The following CTNNA3 variants were observed in gnomAD, a reference collection of about 807,000 sequenced individuals.
CTNNA3 encodes catenin alpha-3.
A neutral mutation model predicts 95.7 loss-of-function variants in CTNNA3; 76 were observed. That is an observed-to-expected ratio of 0.79 (90% CI 0.66 to 0.96). The LOEUF (loss-of-function observed/expected upper bound fraction) is 0.96. Ranked by LOEUF, CTNNA3 falls within the 40% of genes least tolerant of loss-of-function variation. CTNNA3 has a pLI of 0.00. For synonymous variants in CTNNA3, 431 were observed against 374.4 expected (o/e 1.15, Z -1.74); for missense variants, 1,191 against 1,089.8 (o/e 1.09, Z -1.31).
chr10:66,094,508 A>G (rs1197181865), intron 14 of CTNNA3, among the ~76,000 whole-genome samples: 1 of 152,106 alleles, frequency 6.6e-6, no homozygotes, highest in Non-Finnish European at 1.5e-5. Flanking sequence ...ATGCTGCAGA[A>G]ATCTAGGTGA....
intron 5 of CTNNA3, among the ~76,000 whole-genome samples, chr10:67,362,001 T>C (rs10823036): frequency 0.89 from 135,148 of 152,126 alleles, 61,145 homozygotes; most frequent in East Asian, 1. Flanking sequence ...TATCTATGCA[T>C]ACAAACTAGA....
chr10:66,283,693 C>T (rs561915317), intron 12 of CTNNA3, among the ~76,000 whole-genome samples: 1 of 151,978 alleles, frequency 6.6e-6, no homozygotes, highest in Non-Finnish European at 1.5e-5. Flanking sequence ...TACTTTCTCA[C>T]TCTAACAACA....
intron 9 of CTNNA3, among the ~76,000 whole-genome samples, chr10:66,693,206 C>G (rs1378683969): frequency 1.3e-5 from 2 of 152,078 alleles, no homozygotes; most frequent in African/African-American, 2.4e-5. Flanking sequence ...GTGCTGTATT[C>G]AGGAAACCCA....
intron 7 of CTNNA3, among the ~76,000 whole-genome samples, chr10:66,898,093 T>A (rs1845573924): frequency 6.6e-6 from 1 of 152,134 alleles, no homozygotes; most frequent in Admixed American, 6.5e-5. Flanking sequence ...AAACTGAACA[T>A]CATAAGGAAC....
chr10:66,702,903 T>C (rs749258012), intron 9 of CTNNA3, among the ~76,000 whole-genome samples: 3 of 152,044 alleles, frequency 2.0e-5, no homozygotes, highest in Non-Finnish European at 4.4e-5. Flanking sequence ...GAACTTTTTC[T>C]TCAGTGTTAA....
At chr10:66,046,759 T>G (rs1236100686) in intron 15 of CTNNA3, among the ~76,000 whole-genome samples, 2 of 151,840 alleles carry the variant, frequency 1.3e-5, no homozygotes, top group Non-Finnish European at 2.9e-5. Context: ...AATATCCAAA[T>G]AAACACAACT....
At chr10:67,759,839 C>A (rs1841453584) in intron 1 of CTNNA3, among the ~76,000 whole-genome samples, 1 of 152,040 alleles carries the variant, frequency 6.6e-6, no homozygotes, top group Non-Finnish European at 1.5e-5. Flanking sequence ...AGTCTTACAA[C>A]CATAGGAGCT....
chr10:67,592,402 C>T (rs1399160761), intron 3 of CTNNA3, among the ~76,000 whole-genome samples: 2 of 152,070 alleles, frequency 1.3e-5, no homozygotes, highest in Non-Finnish European at 2.9e-5. Context: ...ACATTCCCTC[C>T]CACTCACCAA....
At chr10:66,648,618 C>G (rs1453791340) in intron 9 of CTNNA3, among the ~76,000 whole-genome samples, 1 of 151,970 alleles carries the variant, frequency 6.6e-6, no homozygotes, top group Non-Finnish European at 1.5e-5. Context: ...AAGATTTGCA[C>G]ATTATAAGAA....
At chr10:66,231,794 C>T (rs1383231452) in intron 13 of CTNNA3, among the ~76,000 whole-genome samples, 1 of 152,128 alleles carries the variant, frequency 6.6e-6, no homozygotes, top group Admixed American at 6.5e-5. Context: ...TATGCTTTAG[C>T]TGTATTTTTA....
At chr10:66,506,453 C>T (rs188533261) in intron 11 of CTNNA3, among the ~76,000 whole-genome samples, 3 of 152,188 alleles carry the variant, frequency 2.0e-5, no homozygotes, top group African/African-American at 7.2e-5. Flanking sequence ...GTTTTTCCCT[C>T]TTTATGGGAG....
intron 13 of CTNNA3, among the ~76,000 whole-genome samples, chr10:66,264,860 G>C (rs1444067454): frequency 6.6e-6 from 1 of 151,938 alleles, no homozygotes; most frequent in African/African-American, 2.4e-5. Context: ...CTGTCCCACA[G>C]GGACAGGAAC....
At chr10:67,378,929 T>C (rs1212918274) in intron 5 of CTNNA3, among the ~76,000 whole-genome samples, 1 of 152,202 alleles carries the variant, frequency 6.6e-6, no homozygotes, top group Non-Finnish European at 1.5e-5. Flanking sequence ...GAGATACATG[T>C]CAAATAATGG....
At chr10:67,439,171 G>A (rs1846408530) in intron 5 of CTNNA3, among the ~76,000 whole-genome samples, 2 of 152,124 alleles carry the variant, frequency 1.3e-5, no homozygotes, top group Non-Finnish European at 2.9e-5. Context: ...AAATAGCAAA[G>A]AGGACTTTGC....
At chr10:66,816,989 C>T (rs1392178097) in intron 7 of CTNNA3, among the ~76,000 whole-genome samples, 1 of 151,900 alleles carries the variant, frequency 6.6e-6, no homozygotes, top group Non-Finnish European at 1.5e-5. Context: ...AGCAAAAATA[C>T]AACATACCAG....
At chr10:67,712,340 T>C (rs1841116178) in intron 1 of CTNNA3, among the ~76,000 whole-genome samples, 1 of 152,138 alleles carries the variant, frequency 6.6e-6, no homozygotes, top group Admixed American at 6.5e-5. Context: ...TTTGCATAAA[T>C]AATGAGGAGC....
At chr10:67,084,194 G>T (rs1202238971) in intron 7 of CTNNA3, among the ~76,000 whole-genome samples, 1 of 152,014 alleles carries the variant, frequency 6.6e-6, no homozygotes, top group Non-Finnish European at 1.5e-5. Flanking sequence ...GAAGCTCAGA[G>T]ATTTAAGCAA....
chr10:66,918,606 C>T (rs1039387445), intron 7 of CTNNA3, among the ~76,000 whole-genome samples: 3 of 152,122 alleles, frequency 2.0e-5, no homozygotes, highest in Admixed American at 6.5e-5. Context: ...GTCCAAATGA[C>T]GTGGCATCCA....
At chr10:67,350,911 T>TAC (rs1842609199) in intron 5 of CTNNA3, among the ~76,000 whole-genome samples, 1 of 2,760 alleles carries the variant, frequency 3.6e-4, no homozygotes, top group African/African-American at 4.4e-4. Flanking sequence ...AAAGTATGTG[T>TAC]ATATATATAT....
Sources: gnomAD v4.1 joint callset for allele counts (sites outside exome capture counted in the v4.1 genomes callset) on GRCh38, gnomAD v4.1.1 for gene constraint, MANE v1.5 for transcripts, NCBI Gene and HGNC (gene_info 2026-07-23, HGNC 2026-07-21) for gene names.